Variants in STAT4 observed in about 807,000 individuals in gnomAD.
STAT4 encodes the protein signal transducer and activator of transcription 4.
Under a neutral mutation model 110.5 loss-of-function variants are expected in STAT4, and 42 were observed. The ratio of observed to expected loss-of-function variants is 0.38; its 90% CI spans 0.30 to 0.49. STAT4 has a LOEUF of 0.49. STAT4 is among the 20% of genes least tolerant of loss of function. The pLI is 0.95. For synonymous variants in STAT4, 284 were observed against 302.2 expected, an observed-to-expected ratio of 0.94 and a Z score of 0.63; for missense variants, 632 against 887.9, an observed-to-expected ratio of 0.71 and a Z score of 3.66.
chr2:191,034,544 G>A lies in STAT4; in HGVS notation c.1620+4C>T. 6.2e-7 allele frequency: 1 copy of A among 1,610,272 alleles called. No homozygotes were observed. Among genetic ancestry groups the A allele is most frequent in the Non-Finnish European group, 8.5e-7 (1 of 1,176,752 alleles). Reference sequence around the variant, plus strand: ...CTAAATGATGTTTCCCCGACCGTTTGTACCTTGCAGAACTTGGCCCAGGTG... The same window carrying A: ...CTAAATGATGTTTCCCCGACCGTTTATACCTTGCAGAACTTGGCCCAGGTG... On this transcript the variant is annotated splice_donor_region_variant and intron_variant, in intron 18 of 23. Transcript: ENST00000392320.
At position 191,113,224 on chromosome 2, in the gene STAT4, A is replaced by G. The variant is rs1286447427; in HGVS notation, c.273+33389T>C. ...GTGCCACTCATTCATTTGTTCCACAAATTTGTACTGAACAGCAATTATTGC... is the reference window on the plus strand; with the variant it reads ...GTGCCACTCATTCATTTGTTCCACAGATTTGTACTGAACAGCAATTATTGC... On this transcript the variant is annotated intron_variant, in intron 3 of 23. Transcript: ENST00000392320. The surrounding 1 kb of genome is among the most constrained non-coding windows in gnomAD (Gnocchi z 4.8). Among the ~76,000 whole-genome samples, 1 of 152,348 alleles carries G rather than the reference A, an allele frequency of 6.6e-6. No individual in the cohort carries two copies. Among genetic ancestry groups the G allele is most frequent in the East Asian group, 1.9e-4 (1 of 5,192 alleles).
intron 3 of STAT4, among the ~76,000 whole-genome samples, chr2:191,108,291 A>C (rs1477820219): frequency 3.5e-5 from 4 of 113,240 alleles, no homozygotes; most frequent in African/African-American, 8.0e-5. Context: ...ACTCTATCTC[A>C]AAAAAAAAAA....
Position 191,031,352 on chromosome 2 carries a change from A to G in STAT4, c.2111+98T>C. 3.2e-6 allele frequency: 4 copies of G among 1,247,212 alleles called. No individual in the cohort carries two copies. The highest frequency in any genetic ancestry group is 1.1e-6 in the Non-Finnish European group (1 of 890,198). 77.3% of individuals were successfully genotyped at this position (1,247,212 alleles called of 1,614,324 possible). ...AGGAAATGGGACATTGCACATTACA[A>G]TGCTTTGTTCTCAGTTATGTGTACT... On this transcript the variant is annotated intron_variant, in intron 22 of 23. Coordinates refer to ENST00000392320, the MANE Select transcript of STAT4 (RefSeq NM_003151.4). This position sits in a 1 kb window ranked among gnomAD's most constrained non-coding sequence, Gnocchi z 4.8.
At chr2:191,041,363 C>T (rs1333190611) in intron 14 of STAT4, 1 of 215,718 alleles carries the variant, frequency 4.6e-6, no homozygotes, top group African/African-American at 2.3e-5. Flanking sequence ...TTTAAGTCTT[C>T]AAAACAAGAT....
At position 191,144,653 on chromosome 2, in the gene STAT4, C is replaced by T. The variant is rs1429394981; in HGVS notation, c.273+1960G>A. On this transcript the variant is annotated intron_variant, in intron 3 of 23. Coordinates refer to ENST00000392320, the MANE Select transcript of STAT4 (RefSeq NM_003151.4). This position sits in a 1 kb window ranked among gnomAD's most constrained non-coding sequence, Gnocchi z 4.7. ...ATAGAAGTGATGGTTTAACAAGGTT[C>T]GTCTGATACAACTGGCCAGAGGAGA... 2.7e-5 allele frequency among the ~76,000 whole-genome samples: 4 copies of T among 149,528 alleles called. No homozygotes were observed. Among genetic ancestry groups the T allele is most frequent in the Admixed American group, 6.6e-5 (1 of 15,122 alleles).
chr2:191,037,728 C>A lies in STAT4; in HGVS notation c.1435-1429G>T, dbSNP rs1696081573. On this transcript the variant is annotated intron_variant, in intron 16 of 23. Coordinates refer to ENST00000392320, the MANE Select transcript of STAT4 (RefSeq NM_003151.4). This position sits in a 1 kb window ranked among gnomAD's most constrained non-coding sequence, Gnocchi z 4.8. ...AAGGTGGGAATGAAAGAGGACACAG[C>A]ATCCAACAAGGAATGGGCAATAGGA... Among the ~76,000 whole-genome samples, 1 of 152,112 alleles carries A rather than the reference C, an allele frequency of 6.6e-6. No individual in the cohort carries two copies. Among genetic ancestry groups the A allele is most frequent in the African/African-American group, 2.4e-5 (1 of 41,408 alleles).
rs1257959671 is a variant in STAT4 at position 191,091,252 on chromosome 2, T to C, written c.274-14927A>G. Among the ~76,000 whole-genome samples the C allele has an allele frequency of 6.6e-6, 1 of 152,010 alleles. No homozygotes were observed. The highest frequency in any genetic ancestry group is 1.5e-5 in the Non-Finnish European group (1 of 68,020). Reference sequence around the variant, plus strand: ...CAAATTCTAGAATGAATACACAAGATGACATGATTTTCTCTACATTGGCAA... The same window carrying C: ...CAAATTCTAGAATGAATACACAAGACGACATGATTTTCTCTACATTGGCAA... On this transcript the variant is annotated intron_variant, in intron 3 of 23. Transcript: ENST00000392320. This position sits in a 1 kb window ranked among gnomAD's most constrained non-coding sequence, Gnocchi z 5.4.
intron 3 of STAT4, among the ~76,000 whole-genome samples, chr2:191,133,316 T>C (rs1229441629): frequency 1.3e-5 from 2 of 151,542 alleles, no homozygotes; most frequent in Admixed American, 1.3e-4. Context: ...GATATAGAAG[T>C]AAACCAAACA....
At position 191,082,313 on chromosome 2, in the gene STAT4, C is replaced by T. The variant is rs1168851436; in HGVS notation, c.274-5988G>A. Among the ~76,000 whole-genome samples, 1 of 152,114 alleles carries T rather than the reference C, an allele frequency of 6.6e-6. No homozygotes were observed. Among genetic ancestry groups the T allele is most frequent in the Non-Finnish European group, 1.5e-5 (1 of 68,012 alleles). ...TGTACCCTGCTGATTTGTTCCCGTC[C>T]CTTTCTGCATACATAATAACTATTT... On this transcript the variant is annotated intron_variant, in intron 3 of 23. Coordinates refer to ENST00000392320, the MANE Select transcript of STAT4 (RefSeq NM_003151.4). The surrounding 1 kb of genome is among the most constrained non-coding windows in gnomAD (Gnocchi z 4.7).
At chr2:191,127,983 CTT>C (rs1381953191) in intron 3 of STAT4, among the ~76,000 whole-genome samples, 4 of 152,194 alleles carry the variant, frequency 2.6e-5, no homozygotes, top group African/African-American at 9.7e-5. Flanking sequence ...TGGATTTCAA[CTT>C]AGTGCGATAT....
At chr2:191,092,510 A>T (rs1697827558) in intron 3 of STAT4, among the ~76,000 whole-genome samples, 1 of 149,054 alleles carries the variant, frequency 6.7e-6, no homozygotes, top group African/African-American at 2.5e-5. Context: ...AATGTGCTAC[A>T]GTTAAAAAAA....
rs1695938912 is a variant in STAT4, at chr2:191,032,885, A to G, written c.2044+73T>C. On this transcript the variant is annotated intron_variant, in intron 21 of 23. Transcript: ENST00000392320. This position sits in a 1 kb window ranked among gnomAD's most constrained non-coding sequence, Gnocchi z 4.9. ...GTAAACAAGAAGGGGAACTTCATTT[A>G]CTTTGCTCCAATATGAGGTTATTTT... 4.0e-5 allele frequency: 57 copies of G among 1,421,076 alleles called. No individual in the cohort carries two copies. Among genetic ancestry groups the G allele is most frequent in the Non-Finnish European group, 5.4e-5 (56 of 1,043,546 alleles). The allele number at this position is 1,421,076 out of a possible 1,614,324, so 88.0% of individuals were successfully genotyped here.
At position 191,033,799 on chromosome 2, in the gene STAT4, AT is replaced by A; in HGVS notation, c.1715+111del. On this transcript the variant is annotated intron_variant, in intron 19 of 23. Transcript: ENST00000392320. This position sits in a 1 kb window ranked among gnomAD's most constrained non-coding sequence, Gnocchi z 6.9. ...CCACAAAGAATAAGAAATTGCAACTATTTTTTTCTGTGGTACTAAACATGCT... is the reference window on the plus strand; with the variant it reads ...CCACAAAGAATAAGAAATTGCAACTATTTTTTCTGTGGTACTAAACATGCT... 4.5e-6 allele frequency: 6 copies of A among 1,340,294 alleles called. No individual in the cohort carries two copies. The highest frequency in any genetic ancestry group is 4.4e-5 in the South Asian group (3 of 68,766). 83.0% of individuals were successfully genotyped at this position (1,340,294 alleles called of 1,614,324 possible). A position where few individuals can be genotyped will look rare whatever the true frequency, so the allele number is the denominator to read the frequency against.
chr2:191,143,689 A>C lies in STAT4; in HGVS notation c.273+2924T>G, dbSNP rs192275275. The stretch of plus-strand genomic sequence containing the variant: ...TAGTTCCCCAGGTATCATATTGTTT[A>C]CTCCTTTTTGCTGTAATTGTCAACA... On this transcript the variant is annotated intron_variant, in intron 3 of 23. Coordinates refer to ENST00000392320, the MANE Select transcript of STAT4 (RefSeq NM_003151.4). The surrounding 1 kb of genome is among the most constrained non-coding windows in gnomAD (Gnocchi z 5.6). Among the ~76,000 whole-genome samples, 9 of 152,030 alleles carry C rather than the reference A, an allele frequency of 5.9e-5. No homozygotes were observed. Among genetic ancestry groups the C allele is most frequent in the Admixed American group, 2.6e-4 (4 of 15,264 alleles).
intron 3 of STAT4, among the ~76,000 whole-genome samples, chr2:191,078,595 T>C (rs1318947701): frequency 6.6e-6 from 1 of 152,140 alleles, no homozygotes; most frequent in African/African-American, 2.4e-5. Flanking sequence ...AAAGACATAC[T>C]CATATTTACC....
In STAT4 at chr2:191,099,907, T is replaced by G. The variant is rs7574865; in HGVS notation, c.274-23582A>C. Among the ~76,000 whole-genome samples, 119,407 of 152,068 alleles carry G rather than the reference T, an allele frequency of 0.79. 47,177 individuals carry two copies. Among genetic ancestry groups the G allele is most frequent in the African/African-American group, 0.86 (35,738 of 41,512 alleles). On this transcript the variant is annotated intron_variant, in intron 3 of 23. Transcript: ENST00000392320. This position sits in a 1 kb window ranked among gnomAD's most constrained non-coding sequence, Gnocchi z 4.1. The stretch of plus-strand genomic sequence containing the variant: ...TATGAAAAGTTGGTGACCAAAATGT[T>G]AATAGTGGTTATCTTATTTCAGTGG...
At position 191,051,977 on chromosome 2, in the gene STAT4, T is replaced by C. The variant is rs1696537670; in HGVS notation, c.1251+2513A>G. Among the ~76,000 whole-genome samples, 1 of 152,178 alleles carries C rather than the reference T, an allele frequency of 6.6e-6. No individual in the cohort carries two copies. Among genetic ancestry groups the C allele is most frequent in the African/African-American group, 2.4e-5 (1 of 41,450 alleles). ...AGTGAAGCTCTTAGTGTCCAGTATATAGTAAATGCCACACGAGGATTGTTG... is the reference window on the plus strand; with the variant it reads ...AGTGAAGCTCTTAGTGTCCAGTATACAGTAAATGCCACACGAGGATTGTTG... On this transcript the variant is annotated intron_variant, in intron 14 of 23. Coordinates refer to ENST00000392320, the MANE Select transcript of STAT4 (RefSeq NM_003151.4). This position sits in a 1 kb window ranked among gnomAD's most constrained non-coding sequence, Gnocchi z 5.6.
rs1553507676 is a variant in STAT4, at chr2:191,067,050, C to CA, written c.545-536_545-535insT. ...AGACTAAGTTCTTTACTTTCCCCCACTTTTTTTTCTTTTTTTTTTTTTCAA... is the reference window on the plus strand; with the variant it reads ...AGACTAAGTTCTTTACTTTCCCCCACATTTTTTTTCTTTTTTTTTTTTTCAA... On this transcript the variant is annotated intron_variant, in intron 6 of 23. Coordinates refer to ENST00000392320, the MANE Select transcript of STAT4 (RefSeq NM_003151.4). 2.5e-3 allele frequency among the ~76,000 whole-genome samples: 368 copies of CA among 148,708 alleles called. 1 individual carries two copies. Among genetic ancestry groups the CA allele is most frequent in the South Asian group, 5.1e-3 (24 of 4,716 alleles).
chr2:191,139,550 G>A (rs1263518289), intron 3 of STAT4, among the ~76,000 whole-genome samples: 1 of 152,092 alleles, frequency 6.6e-6, no homozygotes, highest in East Asian at 1.9e-4. Context: ...TATCCAAGGG[G>A]GTGAAAGATC....
Sources: gnomAD v4.1 joint callset for allele counts (sites outside exome capture counted in the v4.1 genomes callset) on GRCh38, gnomAD v4.1.1 for gene constraint, Gnocchi (gnomAD v3.1) non-coding constraint, MANE v1.5 for transcripts, NCBI Gene and HGNC (gene_info 2026-07-23, HGNC 2026-07-21) for gene names.